Variants in ULK2 observed in about 807,000 individuals in gnomAD.
ULK2 encodes the protein unc-51 like autophagy activating kinase 2.
Under a neutral mutation model 127.5 loss-of-function variants are expected in ULK2, and 76 were observed. That is an observed-to-expected ratio of 0.60 (90% CI 0.50 to 0.72). The LOEUF is 0.72. ULK2 is among the 30% of genes least tolerant of loss of function. ULK2 has a pLI of 0.00. For synonymous variants in ULK2, 452 were observed against 461.9 expected (o/e 0.98, Z 0.28); for missense variants, 1,144 against 1,295.9 (o/e 0.88, Z 1.80).
At position 19,841,564 on chromosome 17, in the gene ULK2, G is replaced by C; in HGVS notation, c.646-17C>G. On this transcript the variant is annotated splice_polypyrimidine_tract_variant and intron_variant, in intron 8 of 26. Transcript: ENST00000395544. ...ACTATTGGCCTATTAAAAAAAAAAA[G>C]GTTTAATTTCCTAAACAATGGGGGC... The C allele has an allele frequency of 6.6e-7, 1 of 1,511,920 alleles. No homozygotes were observed. Among genetic ancestry groups the C allele is most frequent in the Non-Finnish European group, 8.9e-7 (1 of 1,125,710 alleles). The allele number at this position is 1,511,920 out of a possible 1,614,324, so 93.7% of individuals were successfully genotyped here.
chr17:19,817,249 G>T (rs117706599), intron 12 of ULK2, among the ~76,000 whole-genome samples: 1 of 152,070 alleles, frequency 6.6e-6, no homozygotes, highest in Admixed American at 6.6e-5. Context: ...CTAGCTCATG[G>T]CCTAACAAAG....
In ULK2 at chr17:19,781,867, T is replaced by G. The variant is rs779177528; in HGVS notation, c.2639+22A>C. 4.4e-6 allele frequency: 7 copies of G among 1,606,946 alleles called. No individual in the cohort carries two copies. The South Asian group carries it at 6.7e-5, about 15-fold the overall frequency. On this transcript the variant is annotated intron_variant, in intron 23 of 26. Coordinates refer to ENST00000395544, the MANE Select transcript of ULK2 (RefSeq NM_014683.4). ...AGACAAAGCATGAAAAGTCTGGAAATGAATGACAAGGGGGCACCCACCCCC... is the reference window on the plus strand; with the variant it reads ...AGACAAAGCATGAAAAGTCTGGAAAGGAATGACAAGGGGGCACCCACCCCC...
At position 19,786,050 on chromosome 17, in the gene ULK2, G is replaced by C. The variant is rs1339677357; in HGVS notation, c.2138C>G (p.Pro713Arg). Residue 713 changes from proline to arginine, a missense_variant, in exon 21 of 27, where the codon CCT becomes CGT. By Grantham distance (103) the Pro-to-Arg change is moderately radical. Transcript: ENST00000395544. ...CTTGGAACTTGCTGCTGTACCTGCA[G>C]GAGGTGCCAGAACACCACCACAGGC... ...AGACGGVLAP[P>R]AGTAASSKAV... 1 of 1,572,458 alleles carries C rather than the reference G, an allele frequency of 6.4e-7. No homozygotes were observed. Among genetic ancestry groups the C allele is most frequent in the Non-Finnish European group, 8.6e-7 (1 of 1,165,874 alleles).
intron 8 of ULK2, among the ~76,000 whole-genome samples, chr17:19,842,358 C>T (rs1377958188): frequency 1.3e-5 from 2 of 151,700 alleles, no homozygotes; most frequent in Admixed American, 6.6e-5. Context: ...CCACCACACC[C>T]GGCTAATTTT....
chr17:19,819,973 TG>T (rs1225932686), intron 12 of ULK2, among the ~76,000 whole-genome samples: 1 of 152,126 alleles, frequency 6.6e-6, no homozygotes, highest in Non-Finnish European at 1.5e-5. Context: ...ACCCTGCTTT[TG>T]GGAGAATCTA....
At chr17:19,829,752 C>T (rs1287104095) in intron 10 of ULK2, among the ~76,000 whole-genome samples, 3 of 147,330 alleles carry the variant, frequency 2.0e-5, no homozygotes, top group Non-Finnish European at 1.5e-5. Context: ...AGGAGAATCG[C>T]TTGAACCTAG....
chr17:19,777,727 TCAACAAAAACA>T lies in ULK2; in HGVS notation c.2917-22_2917-12del. ...GGCTGCAGACTGAACCTGGAACCAGTCAACAAAAACACAATTCTCTCAATTTTTCCAAGAAA... is the reference window on the plus strand; with the variant it reads ...GGCTGCAGACTGAACCTGGAACCAGTCAATTCTCTCAATTTTTCCAAGAAA... On this transcript the variant is annotated splice_polypyrimidine_tract_variant and intron_variant, in intron 25 of 26. Coordinates refer to ENST00000395544, the MANE Select transcript of ULK2 (RefSeq NM_014683.4). The T allele has an allele frequency of 6.3e-7, 1 of 1,589,430 alleles. No individual in the cohort carries two copies. Among genetic ancestry groups the T allele is most frequent in the Non-Finnish European group, 8.5e-7 (1 of 1,171,460 alleles).
intron 3 of ULK2, among the ~76,000 whole-genome samples, chr17:19,861,269 G>T (rs756296543): frequency 6.6e-6 from 1 of 152,062 alleles, no homozygotes; most frequent in Non-Finnish European, 1.5e-5. Flanking sequence ...AAGCAAGGCC[G>T]GGCGCGGTGG....
intron 13 of ULK2, 118 bp downstream of exon 13, chr17:19,816,631 A>C (rs1242479689): frequency 1.1e-6 from 1 of 897,486 alleles, no homozygotes; most frequent in Non-Finnish European, 1.5e-6. Context: ...AAACAACTAA[A>C]TAAAATGCTC....
intron 23 of ULK2, 133 bp from the exon 24 acceptor site, chr17:19,781,237 CTTTTCTTTTTTTTT>C: frequency 1.9e-6 from 1 of 530,002 alleles, no homozygotes; most frequent in Non-Finnish European, 3.2e-6. Flanking sequence ...TTTCTTCTTT[CTTTTCTTTTTTTTT>C]TTTTTTTTTT....
At chr17:19,836,927 A>T (rs924789662) in intron 10 of ULK2, among the ~76,000 whole-genome samples, 10 of 151,232 alleles carry the variant, frequency 6.6e-5, no homozygotes, top group African/African-American at 9.7e-5. Flanking sequence ...AAATAAAACA[A>T]AACAAAAAAT....
intron 13 of ULK2, among the ~76,000 whole-genome samples, chr17:19,811,772 T>C (rs968301738): frequency 4.2e-4 from 64 of 152,248 alleles, no homozygotes; most frequent in African/African-American, 1.3e-3. Context: ...AATAATTTGA[T>C]TGCATATACC....
At chr17:19,816,501 A>C (rs776129779) in intron 13 of ULK2, 3 of 272,430 alleles carry the variant, frequency 1.1e-5, no homozygotes, top group Non-Finnish European at 2.0e-5. Context: ...GTTTGGATAC[A>C]AACAGAATTT....
At chr17:19,798,510 T>C (rs987900650) in intron 17 of ULK2, among the ~76,000 whole-genome samples, 1 of 152,220 alleles carries the variant, frequency 6.6e-6, no homozygotes, top group Admixed American at 6.5e-5. Context: ...ATATTCTTAG[T>C]GACCTAACCA....
intron 12 of ULK2, 51 bp from the exon 13 acceptor site, chr17:19,816,971 C>A: frequency 6.5e-7 from 1 of 1,538,142 alleles, no homozygotes; most frequent in South Asian, 1.3e-5. Context: ...AAATGCAAGT[C>A]AGAATAGTGA....
chr17:19,812,710 T>C (rs1453387012), intron 13 of ULK2, among the ~76,000 whole-genome samples: 2 of 152,256 alleles, frequency 1.3e-5, no homozygotes, highest in East Asian at 3.8e-4. Context: ...TGGTTTCTAC[T>C]GAATGCATAT....
At chr17:19,842,995 G>A (rs898965112) in intron 8 of ULK2, 126 bp downstream of exon 8, 1 of 814,722 alleles carries the variant, frequency 1.2e-6, no homozygotes, top group South Asian at 1.5e-5. Context: ...GCCTATAACA[G>A]AATCAAAGTA....
At chr17:19,816,997 T>A (rs1024393383) in intron 12 of ULK2, 77 bp from the exon 13 acceptor site, 3 of 1,394,312 alleles carry the variant, frequency 2.2e-6, no homozygotes, top group Non-Finnish European at 2.8e-6. Context: ...CTAAGGAATT[T>A]TTTTTTTTCC....
intron 12 of ULK2, among the ~76,000 whole-genome samples, chr17:19,817,255 C>G (rs2041013612): frequency 6.6e-6 from 1 of 152,148 alleles, no homozygotes; most frequent in Admixed American, 6.5e-5. Context: ...CATGGCCTAA[C>G]AAAGCAGATA....
Sources: allele counts gnomAD v4.1 joint callset (sites outside exome capture counted in the v4.1 genomes callset), GRCh38; gene constraint gnomAD v4.1.1; transcripts MANE v1.5; gene names NCBI Gene and HGNC (gene_info 2026-07-23, HGNC 2026-07-21).